The following ABCA13 variants were observed in gnomAD, a reference collection of about 807,000 sequenced individuals.
ABCA13 encodes the protein ATP-binding cassette sub-family A member 13.
ABCA13 carries 476 observed loss-of-function variants against 478.7 expected under a neutral mutation model. The ratio of observed to expected loss-of-function variants is 0.99; its 90% CI spans 0.92 to 1.07. ABCA13 has a LOEUF of 1.07. Among genes scored for constraint, ABCA13 ranks in the 50% least tolerant of loss-of-function variants. The pLI, the probability that ABCA13 is intolerant of heterozygous loss-of-function variation, is 0.00. For missense variants in ABCA13, 6,060 were observed against 5,910.6 expected, an observed-to-expected ratio of 1.03 and a Z score of -0.83; for synonymous variants, 2,252 against 2,158.9, an observed-to-expected ratio of 1.04 and a Z score of -1.20.
At chr7:48,517,094 G>A (rs1265889747) in intron 52 of ABCA13, among the ~76,000 whole-genome samples, 1 of 152,152 alleles carries the variant, frequency 6.6e-6, no homozygotes, top group Non-Finnish European at 1.5e-5. Flanking sequence ...AACAATTGAC[G>A]AAAAAATGTT....
At chr7:48,394,737 G>A (rs1816591939) in intron 38 of ABCA13, among the ~76,000 whole-genome samples, 1 of 151,958 alleles carries the variant, frequency 6.6e-6, no homozygotes, top group Non-Finnish European at 1.5e-5. Flanking sequence ...GTGGTATTTG[G>A]TTACATGAGT....
At chr7:48,607,844 C>T (rs1585966419) in intron 58 of ABCA13, among the ~76,000 whole-genome samples, 1 of 152,102 alleles carries the variant, frequency 6.6e-6, no homozygotes, top group South Asian at 2.1e-4. Flanking sequence ...GAAAACTCTC[C>T]TTTAGTGAGT....
At chr7:48,594,836 G>A in intron 58 of ABCA13, 23 bp downstream of exon 58, 2 of 1,601,384 alleles carry the variant, frequency 1.2e-6, no homozygotes, top group Non-Finnish European at 1.7e-6. Context: ...TTCTCTTGTA[G>A]CCATTTCCTG....
chr7:48,465,995 T>C (rs1826836957), intron 43 of ABCA13, among the ~76,000 whole-genome samples: 1 of 152,146 alleles, frequency 6.6e-6, no homozygotes, highest in African/African-American at 2.4e-5. Context: ...ATAATGCTGA[T>C]TATATACCAT....
intron 32 of ABCA13, among the ~76,000 whole-genome samples, chr7:48,370,869 A>C (rs1012003448): frequency 6.6e-6 from 1 of 152,204 alleles, no homozygotes; most frequent in African/African-American, 2.4e-5. Context: ...AGAAGAAAAG[A>C]AATAACAAAG....
At chr7:48,295,589 G>A in intron 20 of ABCA13, 111 bp from the exon 21 acceptor site, 1 of 1,397,866 alleles carries the variant, frequency 7.2e-7, no homozygotes, top group Non-Finnish European at 9.9e-7. Flanking sequence ...GCAATGCACA[G>A]AAGCAACTGA....
intron 47 of ABCA13, among the ~76,000 whole-genome samples, chr7:48,486,735 A>G (rs1174507420): frequency 2.6e-5 from 4 of 152,194 alleles, no homozygotes; most frequent in African/African-American, 7.2e-5. Flanking sequence ...TTGCTAATGC[A>G]GACTGGGCTG....
chr7:48,305,019 TC>T (rs1454597012), intron 23 of ABCA13, among the ~76,000 whole-genome samples: 2 of 152,252 alleles, frequency 1.3e-5, no homozygotes, highest in East Asian at 1.9e-4. Context: ...ATTCATCTTT[TC>T]CCTTAAATAT....
intron 10 of ABCA13, among the ~76,000 whole-genome samples, chr7:48,242,057 C>T (rs1273312347): frequency 6.6e-6 from 1 of 152,304 alleles, no homozygotes; most frequent in South Asian, 2.1e-4. Context: ...GACAAAACAT[C>T]TGTCATAAAT....
chr7:48,268,308 C>G (rs1046676799), intron 15 of ABCA13, among the ~76,000 whole-genome samples: 2 of 152,048 alleles, frequency 1.3e-5, no homozygotes, highest in African/African-American at 2.4e-5. Context: ...AGGCGCCCAC[C>G]ACCACACCCG....
At chr7:48,270,044 CATT>C (rs1406278539) in intron 16 of ABCA13, among the ~76,000 whole-genome samples, 3 of 152,114 alleles carry the variant, frequency 2.0e-5, no homozygotes, top group East Asian at 1.9e-4. Flanking sequence ...CACAAGGACA[CATT>C]TAATTTTATA....
At chr7:48,640,001 G>A (rs1444789985) in intron 59 of ABCA13, among the ~76,000 whole-genome samples, 2 of 152,074 alleles carry the variant, frequency 1.3e-5, no homozygotes, top group Non-Finnish European at 2.9e-5. Flanking sequence ...ATGGTTATGC[G>A]ATTATTTCTT....
At position 48,392,138 on chromosome 7, in the gene ABCA13, C is replaced by T; in HGVS notation, c.11872C>T (p.Gln3958Ter). The T allele has an allele frequency of 6.2e-7, 1 of 1,613,456 alleles. No homozygotes were observed. Among genetic ancestry groups the T allele is most frequent in the Non-Finnish European group, 8.5e-7 (1 of 1,179,716 alleles). Residue 3958 changes from glutamine (Q) to a stop codon, truncating the protein, a stop_gained and splice_region_variant, in exon 38 of 62, where the codon CAA becomes TAA. Transcript: ENST00000435803. LOFTEE classifies it high-confidence loss of function. ...GAAGGAGCTGCATCAGCAAGTCAAT[C>T]AGTTAGTAAACAGTTGTCTCTCTGC... Reference protein sequence around the residue: ...TKKELHQQVNQTLQDVDLTQH... With the variant: ...TKKELHQQVN
intron 5 of ABCA13, among the ~76,000 whole-genome samples, chr7:48,224,083 A>G (rs904038465): frequency 6.6e-6 from 1 of 152,026 alleles, no homozygotes; most frequent in African/African-American, 2.4e-5. Flanking sequence ...GCTGCTGGGC[A>G]TTGCAGAGGC....
At chr7:48,238,090 C>T (rs1295623519) in intron 8 of ABCA13, among the ~76,000 whole-genome samples, 1 of 152,196 alleles carries the variant, frequency 6.6e-6, no homozygotes, top group Non-Finnish European at 1.5e-5. Flanking sequence ...TTAGTCAATT[C>T]AGGCTGTTAT....
intron 35 of ABCA13, among the ~76,000 whole-genome samples, chr7:48,379,199 A>G (rs1000660954): frequency 5.9e-5 from 9 of 152,228 alleles, no homozygotes; most frequent in Non-Finnish European, 1.3e-4. Flanking sequence ...AAAGCTAAAA[A>G]TAAGAGTTGG....
chr7:48,551,276 T>G (rs1785300016), intron 55 of ABCA13, among the ~76,000 whole-genome samples: 1 of 151,862 alleles, frequency 6.6e-6, no homozygotes, highest in Non-Finnish European at 1.5e-5. Context: ...CTGTTCACTA[T>G]AGAGTGAGCT....
chr7:48,201,463 T>A (rs1054523311), intron 3 of ABCA13, among the ~76,000 whole-genome samples: 4 of 152,176 alleles, frequency 2.6e-5, no homozygotes, highest in Non-Finnish European at 5.9e-5. Context: ...CCAACTCGTC[T>A]GGCATCCCAG....
intron 48 of ABCA13, among the ~76,000 whole-genome samples, chr7:48,495,593 T>C (rs759584372): frequency 1.3e-5 from 2 of 152,210 alleles, no homozygotes; most frequent in Non-Finnish European, 2.9e-5. Flanking sequence ...TCACTGATCA[T>C]TGAAGATTAC....
Sources: gnomAD v4.1 joint callset for allele counts (sites outside exome capture counted in the v4.1 genomes callset) on GRCh38, gnomAD v4.1.1 for gene constraint, MANE v1.5 for transcripts, NCBI Gene and HGNC (gene_info 2026-07-23, HGNC 2026-07-21) for gene names.